NTN4: variants seen among roughly 807,000 people sequenced by gnomAD.
The protein encoded by NTN4 is netrin-4.
Under a neutral mutation model 73.6 loss-of-function variants are expected in NTN4, and 32 were observed. That is an observed-to-expected ratio of 0.44 (90% CI 0.33 to 0.58). The LOEUF (loss-of-function observed/expected upper bound fraction) is 0.58, where lower values mean the gene tolerates loss of function less well. Among genes scored for constraint, NTN4 ranks in the 20% least tolerant of loss-of-function variants. The pLI, the probability that NTN4 is intolerant of heterozygous loss-of-function variation, is 0.04. For synonymous variants in NTN4, 258 were observed against 287.5 expected (o/e 0.90, Z 1.04); for missense variants, 654 against 798.3 (o/e 0.82, Z 2.18).
intron 2 of NTN4, among the ~76,000 whole-genome samples, chr12:95,756,973 T>C (rs10859935): frequency 6.6e-6 from 1 of 151,744 alleles, no homozygotes; most frequent in Non-Finnish European, 1.5e-5. Context: ...AAGCTCTCTT[T>C]ATCATCCCTG....
rs541113105 is a variant in NTN4 at position 95,675,400 on chromosome 12, G to A, written c.1511-5254C>T. Among the ~76,000 whole-genome samples the A allele has an allele frequency of 4.6e-5, 7 of 152,300 alleles. No homozygotes were observed. In the South Asian group the frequency reaches 1.5e-3, roughly 32 times the overall value. On this transcript the variant is annotated intron_variant, in intron 7 of 9. Coordinates refer to ENST00000343702, the MANE Select transcript of NTN4 (RefSeq NM_021229.4). The stretch of plus-strand genomic sequence containing the variant: ...TCTGATCTAAAATGTGGATTGATGG[G>A]TGGATAGAATTTAGGTGGCGGGTAT...
intron 3 of NTN4, among the ~76,000 whole-genome samples, chr12:95,713,557 G>A (rs1014130687): frequency 1.3e-5 from 2 of 152,180 alleles, no homozygotes; most frequent in African/African-American, 4.8e-5. Flanking sequence ...CTTGGCTGAA[G>A]GGTATATGAC....
chr12:95,786,859 C>G (rs2079170784), intron 2 of NTN4, 80 bp downstream of exon 2: 3 of 1,115,654 alleles, frequency 2.7e-6, no homozygotes, highest in Non-Finnish European at 3.9e-6. Flanking sequence ...ACAAGTATAG[C>G]TTCATGCTTT....
Position 95,699,488 on chromosome 12 carries a change from A to G in NTN4, c.1180+10953T>C, listed in dbSNP as rs143361312. Among the ~76,000 whole-genome samples the G allele has an allele frequency of 2.7e-3, 411 of 152,224 alleles. 3 individuals are homozygous for G. The highest frequency in any genetic ancestry group is 9.5e-3 in the African/African-American group (393 of 41,536). Reference sequence around the variant, plus strand: ...GATCAGTGCAAACGGAAATGCAGAGACTCTTCCTGAGAGCATCATGAGAAG... The same window carrying G: ...GATCAGTGCAAACGGAAATGCAGAGGCTCTTCCTGAGAGCATCATGAGAAG... On this transcript the variant is annotated intron_variant, in intron 5 of 9. Coordinates refer to ENST00000343702, the MANE Select transcript of NTN4 (RefSeq NM_021229.4).
intron 3 of NTN4, among the ~76,000 whole-genome samples, chr12:95,733,763 T>C (rs1016827480): frequency 6.6e-6 from 1 of 151,870 alleles, no homozygotes; most frequent in East Asian, 1.9e-4. Context: ...GGGAAGGTGA[T>C]GCTGTTTTAA....
Position 95,790,433 on chromosome 12 carries a change from G to A in NTN4, c.-124C>T. The A allele has an allele frequency of 7.5e-6, 6 of 802,342 alleles. No individual in the cohort carries two copies. The highest frequency in any genetic ancestry group is 1.1e-5 in the Non-Finnish European group (6 of 557,932). The allele number at this position is 802,342 out of a possible 1,614,324, so 49.7% of individuals were successfully genotyped here. Reference sequence around the variant, plus strand: ...GGGGCCCTGGTTTCTTCCTCCTCCTGGGGCGCCGGGCTCGGTCAGCGGTCG... The same window carrying A: ...GGGGCCCTGGTTTCTTCCTCCTCCTAGGGCGCCGGGCTCGGTCAGCGGTCG... On this transcript the variant is annotated 5_prime_UTR_variant, in exon 1 of 10. Coordinates refer to ENST00000343702, the MANE Select transcript of NTN4 (RefSeq NM_021229.4). This position sits in a 1 kb window ranked among gnomAD's most constrained non-coding sequence, Gnocchi z 6.5.
At chr12:95,670,242 A>G (rs2078217256) in intron 7 of NTN4, 96 bp from the exon 8 acceptor site, 1 of 658,356 alleles carries the variant, frequency 1.5e-6, no homozygotes, top group Admixed American at 2.8e-5. Context: ...CACATCCCTT[A>G]AGCCTTGAGT....
intron 2 of NTN4, among the ~76,000 whole-genome samples, chr12:95,742,471 A>C (rs2078833817): frequency 6.6e-6 from 1 of 152,246 alleles, no homozygotes; most frequent in Non-Finnish European, 1.5e-5. Flanking sequence ...TATTAGGTAC[A>C]TAATAGTCAA....
intron 2 of NTN4, among the ~76,000 whole-genome samples, chr12:95,748,620 G>T (rs1465122483): frequency 6.6e-6 from 1 of 151,922 alleles, no homozygotes; most frequent in Non-Finnish European, 1.5e-5. Context: ...ACAGGCACAT[G>T]CCACCATGCC....
intron 2 of NTN4, among the ~76,000 whole-genome samples, chr12:95,779,678 C>T (rs1453236725): frequency 6.6e-6 from 1 of 152,012 alleles, no homozygotes; most frequent in East Asian, 1.9e-4. Context: ...AATGGAAGAA[C>T]ATTCCATGCT....
intron 2 of NTN4, among the ~76,000 whole-genome samples, chr12:95,782,762 A>G (rs1220834904): frequency 1.3e-5 from 2 of 152,174 alleles, no homozygotes; most frequent in Admixed American, 6.5e-5. Flanking sequence ...GTTGCTATCC[A>G]ATTTTGAATA....
chr12:95,790,164 G>A lies in NTN4; in HGVS notation c.55+91C>T. The A allele has an allele frequency of 1.7e-6, 2 of 1,165,518 alleles. No homozygotes were observed. The highest frequency in any genetic ancestry group is 1.2e-6 in the Non-Finnish European group (1 of 836,860). The allele number at this position is 1,165,518 out of a possible 1,614,324, so 72.2% of individuals were successfully genotyped here. On this transcript the variant is annotated intron_variant, in intron 1 of 9. Transcript: ENST00000343702. The surrounding 1 kb of genome is among the most constrained non-coding windows in gnomAD (Gnocchi z 6.5). The stretch of plus-strand genomic sequence containing the variant: ...CCCTCGGGAGCAGCGCTCTGCGCTC[G>A]CAGCCCTGGCTCCCCTGCACCCCCG...
intron 2 of NTN4, among the ~76,000 whole-genome samples, chr12:95,772,881 C>T (rs767979034): frequency 9.9e-5 from 15 of 152,196 alleles, no homozygotes; most frequent in Non-Finnish European, 1.9e-4. Flanking sequence ...CCTCTTCCCT[C>T]ACCCTCCTTC....
At chr12:95,744,249 G>C (rs1469649398) in intron 2 of NTN4, among the ~76,000 whole-genome samples, 1 of 152,156 alleles carries the variant, frequency 6.6e-6, no homozygotes, top group African/African-American at 2.4e-5. Flanking sequence ...TGTTTTATCA[G>C]TGTATGTCCC....
rs957740586 is a variant in NTN4, at chr12:95,789,506, G to A, written c.55+749C>T. Among the ~76,000 whole-genome samples, 3 of 152,218 alleles carry A rather than the reference G, an allele frequency of 2.0e-5. No homozygotes were observed. Among genetic ancestry groups the A allele is most frequent in the Non-Finnish European group, 4.4e-5 (3 of 68,038 alleles). ...CCCGAATACAGAAACCACGAGCCAG[G>A]AGCCGGTGGCCTAGGGCAGCCCAAG... On this transcript the variant is annotated intron_variant, in intron 1 of 9. Transcript: ENST00000343702. The surrounding 1 kb of genome is among the most constrained non-coding windows in gnomAD (Gnocchi z 4.0).
chr12:95,742,365 T>TA (rs58390951), intron 2 of NTN4, among the ~76,000 whole-genome samples: 3,758 of 136,496 alleles, frequency 0.028, 53 homozygotes, highest in East Asian at 0.044. Flanking sequence ...ATGGTGGCGT[T>TA]AAAAAAAAAA....
chr12:95,723,619 G>A (rs1259353329), intron 3 of NTN4, among the ~76,000 whole-genome samples: 2 of 151,762 alleles, frequency 1.3e-5, no homozygotes, highest in African/African-American at 4.9e-5. Context: ...GGGTTCAAGC[G>A]ATTCTCCTGC....
At chr12:95,665,698 A>C (rs1388714937) in intron 9 of NTN4, 112 bp downstream of exon 9, 1 of 750,214 alleles carries the variant, frequency 1.3e-6, no homozygotes, top group Non-Finnish European at 2.1e-6. Flanking sequence ...AGATGGTGAA[A>C]GGGAGAGATG....
At chr12:95,666,500 TAACTATATTC>T (rs956402762) in intron 8 of NTN4, among the ~76,000 whole-genome samples, 2 of 152,204 alleles carry the variant, frequency 1.3e-5, no homozygotes, top group African/African-American at 4.8e-5. Flanking sequence ...TTATCTATAT[TAACTATATTC>T]TTATTTGTTA....
Sources: gnomAD v4.1 joint callset for allele counts (sites outside exome capture counted in the v4.1 genomes callset) on GRCh38, gnomAD v4.1.1 for gene constraint, Gnocchi (gnomAD v3.1) non-coding constraint, MANE v1.5 for transcripts, NCBI Gene and HGNC (gene_info 2026-07-23, HGNC 2026-07-21) for gene names.